Variants in PTGIS observed in about 807,000 individuals in gnomAD.
PTGIS encodes the protein prostacyclin synthase.
Under a neutral mutation model 50.3 loss-of-function variants are expected in PTGIS, and 45 were observed. The ratio of observed to expected loss-of-function variants is 0.90; its 90% CI spans 0.70 to 1.15. The LOEUF (loss-of-function observed/expected upper bound fraction) is 1.15, where lower values mean the gene tolerates loss of function less well. Ranked by LOEUF, PTGIS falls within the 50% of genes most tolerant of loss-of-function variation. PTGIS has a pLI of 0.00. For missense variants in PTGIS, 668 were observed against 661.3 expected (o/e 1.01, Z -0.11); for synonymous variants, 260 against 267.7 (o/e 0.97, Z 0.28).
At chr20:49,559,925 A>G (rs372563600) in intron 1 of PTGIS, among the ~76,000 whole-genome samples, 2,780 of 124,968 alleles carry the variant, frequency 0.022, 82 homozygotes, top group African/African-American at 0.092. Context: ...TGAATTATAC[A>G]CTTTTTTTTT....
chr20:49,562,777 T>G (rs951093511), intron 1 of PTGIS, among the ~76,000 whole-genome samples: 2 of 152,224 alleles, frequency 1.3e-5, no homozygotes, highest in Non-Finnish European at 2.9e-5. Flanking sequence ...CCCTGTCGCC[T>G]GCCCTGGATC....
At chr20:49,527,759 T>C (rs1981827525) in intron 5 of PTGIS, among the ~76,000 whole-genome samples, 1 of 152,230 alleles carries the variant, frequency 6.6e-6, no homozygotes. Context: ...TTTATGTTAT[T>C]TATTATTTTA....
At chr20:49,551,458 A>G (rs745919435) in intron 1 of PTGIS, among the ~76,000 whole-genome samples, 8 of 152,160 alleles carry the variant, frequency 5.3e-5, no homozygotes, top group Non-Finnish European at 1.0e-4. Flanking sequence ...CTTGCAACCA[A>G]TTGCCAATCA....
chr20:49,532,656 G>C (rs1409656635), intron 5 of PTGIS, among the ~76,000 whole-genome samples: 2 of 152,156 alleles, frequency 1.3e-5, no homozygotes, highest in African/African-American at 4.8e-5. Context: ...AGCCCAAGGA[G>C]AACATGTTCA....
chr20:49,547,712 T>C (rs2122886855), intron 3 of PTGIS, 129 bp downstream of exon 3: 1 of 1,084,764 alleles, frequency 9.2e-7, no homozygotes, highest in Non-Finnish European at 1.4e-6. Context: ...GTTTTGTTTC[T>C]GTTTGTGTTC....
rs542098175 is a variant in PTGIS at position 49,543,542 on chromosome 20, C to T, written c.521+763G>A. 3.9e-5 allele frequency among the ~76,000 whole-genome samples: 6 copies of T among 152,360 alleles called. No homozygotes were observed. In the South Asian group the frequency reaches 1.2e-3, roughly 32 times the overall value. On this transcript the variant is annotated intron_variant, in intron 4 of 9. Transcript: ENST00000244043. ...CTCTGACCTCCTGTCCACCTTCCCTCCTTGGCTCTTTATGCTGTAGCCACA... is the reference window on the plus strand; with the variant it reads ...CTCTGACCTCCTGTCCACCTTCCCTTCTTGGCTCTTTATGCTGTAGCCACA...
chr20:49,513,144 T>C lies in PTGIS; in HGVS notation c.1142A>G (p.Asp381Gly). Reference protein sequence around the residue: ...DGREFNLRRGDRLLLFPFLSP... With the variant: ...DGREFNLRRGGRLLLFPFLSP... ...CAGGAAGGGGAAGAGGAGGAGGCGG[T>C]CACCACGTCGCAGGTTGAATTCTCG... Residue 381 changes from aspartate (D) to glycine (G), a missense_variant, in exon 8 of 10, where the codon GAC becomes GGC. Asp to Gly is a moderately conservative substitution (Grantham distance 94). Coordinates refer to ENST00000244043, the MANE Select transcript of PTGIS (RefSeq NM_000961.4). 6.2e-7 allele frequency: 1 copy of C among 1,613,894 alleles called. No homozygotes were observed. Among genetic ancestry groups the C allele is most frequent in the Non-Finnish European group, 8.5e-7 (1 of 1,179,964 alleles).
chr20:49,554,157 C>G (rs2122895534), intron 1 of PTGIS, among the ~76,000 whole-genome samples: 1 of 152,248 alleles, frequency 6.6e-6, no homozygotes, highest in South Asian at 2.1e-4. Flanking sequence ...TCAGCTTTCT[C>G]TCCTCTTTGA....
chr20:49,521,764 C>T (rs142991838), intron 6 of PTGIS, among the ~76,000 whole-genome samples: 3 of 152,186 alleles, frequency 2.0e-5, no homozygotes, highest in Non-Finnish European at 2.9e-5. Flanking sequence ...CTGTCACCGT[C>T]GAAGTGGGGC....
intron 1 of PTGIS, among the ~76,000 whole-genome samples, chr20:49,563,340 G>T (rs1168163046): frequency 6.6e-6 from 1 of 152,162 alleles, no homozygotes; most frequent in Non-Finnish European, 1.5e-5. Flanking sequence ...GCCCCGCACT[G>T]CTACCACTGT....
At chr20:49,525,195 T>C (rs1568673338) in intron 5 of PTGIS, among the ~76,000 whole-genome samples, 1 of 152,214 alleles carries the variant, frequency 6.6e-6, no homozygotes, top group Non-Finnish European at 1.5e-5. Context: ...AAAGGGGCCA[T>C]GGCACTTAGC....
intron 3 of PTGIS, among the ~76,000 whole-genome samples, chr20:49,547,594 C>T (rs1027222609): frequency 2.0e-5 from 3 of 150,520 alleles, no homozygotes. Context: ...CTACTAAAAT[C>T]AGGGCTGCCT....
chr20:49,521,595 A>G (rs73910539), intron 6 of PTGIS, among the ~76,000 whole-genome samples: 4,651 of 152,184 alleles, frequency 0.031, 238 homozygotes, highest in African/African-American at 0.11. Context: ...GCACATAAAT[A>G]TGTTATTAGG....
chr20:49,526,514 A>G (rs1026218506), intron 5 of PTGIS, among the ~76,000 whole-genome samples: 1 of 152,224 alleles, frequency 6.6e-6, no homozygotes, highest in Non-Finnish European at 1.5e-5. Context: ...ATTAAGCAAA[A>G]AAGGTAATGC....
chr20:49,552,075 C>T (rs973565790), intron 1 of PTGIS, among the ~76,000 whole-genome samples: 4 of 152,038 alleles, frequency 2.6e-5, no homozygotes, highest in Admixed American at 2.6e-4. Flanking sequence ...TCTGTTTTTC[C>T]TTATGAAACC....
At chr20:49,553,823 A>G (rs555927132) in intron 1 of PTGIS, among the ~76,000 whole-genome samples, 1 of 152,124 alleles carries the variant, frequency 6.6e-6, no homozygotes, top group Non-Finnish European at 1.5e-5. Context: ...TTGTCCTAAA[A>G]TAAAATGATT....
chr20:49,535,231 C>T (rs951490133), intron 5 of PTGIS, among the ~76,000 whole-genome samples: 5 of 152,176 alleles, frequency 3.3e-5, no homozygotes, highest in African/African-American at 1.2e-4. Flanking sequence ...TCTGGTGGAG[C>T]AGATTTCTTC....
At chr20:49,511,987 G>A (rs1165817001) in intron 8 of PTGIS, among the ~76,000 whole-genome samples, 2 of 152,096 alleles carry the variant, frequency 1.3e-5, no homozygotes, top group East Asian at 1.9e-4. Flanking sequence ...GTGGATAGAT[G>A]GATGGATGGG....
intron 3 of PTGIS, among the ~76,000 whole-genome samples, chr20:49,546,649 A>G (rs1423188574): frequency 6.6e-6 from 1 of 152,202 alleles, no homozygotes; most frequent in Non-Finnish European, 1.5e-5. Flanking sequence ...TTCAAATCCC[A>G]GTCCTGCCAC....
Sources: allele counts gnomAD v4.1 joint callset (sites outside exome capture counted in the v4.1 genomes callset), GRCh38; gene constraint gnomAD v4.1.1; transcripts MANE v1.5; gene names NCBI Gene and HGNC (gene_info 2026-07-23, HGNC 2026-07-21).